TMEM135: variants seen among roughly 807,000 people sequenced by gnomAD.
The protein encoded by TMEM135 is transmembrane protein 135.
In TMEM135, 30 loss-of-function variants were observed where a neutral mutation model predicts 60.3. The ratio of observed to expected loss-of-function variants is 0.50; its 90% CI spans 0.37 to 0.68. The LOEUF is 0.68. Among genes scored for constraint, TMEM135 ranks in the 30% least tolerant of loss-of-function variants. The probability of loss-of-function intolerance (pLI) is 0.00; values close to 1 mark genes in which losing one functional copy is unlikely to be tolerated. For missense variants in TMEM135, 468 were observed against 548.8 expected (o/e 0.85, Z 1.47); for synonymous variants, 190 against 186.7 (o/e 1.02, Z -0.14).
chr11:87,044,343 G>A (rs1565418907), intron 1 of TMEM135, among the ~76,000 whole-genome samples: 1 of 152,094 alleles, frequency 6.6e-6, no homozygotes, highest in East Asian at 1.9e-4. Flanking sequence ...AAGTTTTCTA[G>A]AGGCTACAAG....
intron 6 of TMEM135, chr11:87,258,716 G>A (rs1296085061): frequency 7.7e-6 from 3 of 391,112 alleles, no homozygotes; most frequent in African/African-American, 4.2e-5. Context: ...GACAATGTGG[G>A]GAGATTTCTT....
intron 3 of TMEM135, among the ~76,000 whole-genome samples, chr11:87,077,177 A>G (rs1217276544): frequency 1.3e-5 from 2 of 152,204 alleles, no homozygotes; most frequent in African/African-American, 4.8e-5. Context: ...CAACTAGTCT[A>G]CTTTTCATTT....
rs183872181 is a variant in TMEM135 at position 87,115,462 on chromosome 11, A to G, written c.396+24067A>G. 3.1e-3 allele frequency among the ~76,000 whole-genome samples: 479 copies of G among 152,218 alleles called. 1 individual carries two copies. The highest frequency in any genetic ancestry group is 0.024 in the Middle Eastern group (7 of 294). On this transcript the variant is annotated intron_variant, in intron 4 of 14. Transcript: ENST00000305494. ...CTATGATTTCCCCCTACCCCACCTA[A>G]TGCCAGTCCCTCTTTAAGTAAATAC...
intron 4 of TMEM135, among the ~76,000 whole-genome samples, chr11:87,134,182 C>G (rs1938021236): frequency 6.6e-6 from 1 of 152,120 alleles, no homozygotes; most frequent in Admixed American, 6.6e-5. Context: ...TCTGAGGCCT[C>G]TTTCCTTAGC....
chr11:87,325,614 G>A lies in TMEM135; in HGVS notation c.*4281G>A, dbSNP rs17149940. 1.3e-5 allele frequency: 6 copies of A among 453,626 alleles called. No homozygotes were observed. Among genetic ancestry groups the A allele is most frequent in the Non-Finnish European group, 2.2e-5 (5 of 226,742 alleles). The allele number at this position is 453,626 out of a possible 1,614,324, so 28.1% of individuals were successfully genotyped here. A position where few individuals can be genotyped will look rare whatever the true frequency, so the allele number is the denominator to read the frequency against. On this transcript the variant is annotated 3_prime_UTR_variant, in exon 15 of 15. Transcript: ENST00000305494. ...TTAACTAGTCTCCTTGGACTTCATT[G>A]CAACCTTTTAAGCCAGCCGTTCAAG...
chr11:87,258,548 G>A (rs1433457092), intron 6 of TMEM135, among the ~76,000 whole-genome samples: 1 of 152,202 alleles, frequency 6.6e-6, no homozygotes, highest in Non-Finnish European at 1.5e-5. Context: ...TACCCCACAG[G>A]AGAAAGTGAG....
At chr11:87,068,797 T>G (rs2374996) in intron 2 of TMEM135, among the ~76,000 whole-genome samples, 99,500 of 146,834 alleles carry the variant, frequency 0.68, 34,695 homozygotes, top group East Asian at 0.88. Flanking sequence ...GGGGACAGAG[T>G]CAGACTGTCT....
intron 12 of TMEM135, among the ~76,000 whole-genome samples, chr11:87,315,549 G>A (rs138544539): frequency 2.0e-5 from 3 of 151,984 alleles, no homozygotes; most frequent in Non-Finnish European, 4.4e-5. Context: ...ATTGGTTTTC[G>A]CAGCTGTTAA....
At chr11:87,238,518 C>T (rs982800060) in intron 6 of TMEM135, among the ~76,000 whole-genome samples, 5 of 151,926 alleles carry the variant, frequency 3.3e-5, no homozygotes, top group Non-Finnish European at 7.4e-5. Context: ...TTGGAGCTGT[C>T]TGGTTGTCTT....
At chr11:87,247,753 TC>T (rs1009933643) in intron 6 of TMEM135, among the ~76,000 whole-genome samples, 16 of 152,234 alleles carry the variant, frequency 1.1e-4, no homozygotes, top group Admixed American at 5.9e-4. Flanking sequence ...CCAGGTGCCG[TC>T]TGTCACCCCT....
chr11:87,138,831 A>G (rs1938185841), intron 4 of TMEM135, among the ~76,000 whole-genome samples: 1 of 152,210 alleles, frequency 6.6e-6, no homozygotes, highest in South Asian at 2.1e-4. Context: ...GCTGGTTTTT[A>G]TATAGAGTAC....
intron 5 of TMEM135, among the ~76,000 whole-genome samples, chr11:87,221,588 A>G (rs893251388): frequency 2.2e-4 from 34 of 152,178 alleles, no homozygotes; most frequent in African/African-American, 7.5e-4. Flanking sequence ...CTCTCTGTAC[A>G]CAAATTTTGT....
chr11:87,045,039 T>C (rs1208047797), intron 1 of TMEM135, among the ~76,000 whole-genome samples: 1 of 151,920 alleles, frequency 6.6e-6, no homozygotes, highest in East Asian at 1.9e-4. Flanking sequence ...TTTTTATTTT[T>C]ATTTTTTTGA....
At position 87,325,135 on chromosome 11, in the gene TMEM135, G is replaced by T; in HGVS notation, c.*3802G>T. ...GTGTCAAGGACTGAGATGACCCTCAGATTGGGGGGCTGTCTTAGATTCTAG... is the reference window on the plus strand; with the variant it reads ...GTGTCAAGGACTGAGATGACCCTCATATTGGGGGGCTGTCTTAGATTCTAG... On this transcript the variant is annotated 3_prime_UTR_variant, in exon 15 of 15. Coordinates refer to ENST00000305494, the MANE Select transcript of TMEM135 (RefSeq NM_022918.4). The T allele has an allele frequency of 2.2e-6, 1 of 451,534 alleles. No individual in the cohort carries two copies. The highest frequency in any genetic ancestry group is 4.4e-6 in the Non-Finnish European group (1 of 226,704). 28.0% of individuals were successfully genotyped at this position (451,534 alleles called of 1,614,324 possible).
At chr11:87,291,495 G>A (rs1279344816) in intron 6 of TMEM135, among the ~76,000 whole-genome samples, 4 of 130,466 alleles carry the variant, frequency 3.1e-5, no homozygotes, top group Non-Finnish European at 4.7e-5. Flanking sequence ...CCTCCTGTAA[G>A]TCTATCCAGC....
chr11:87,157,147 TG>T (rs971557629), intron 4 of TMEM135, among the ~76,000 whole-genome samples, 193 bp from the exon 5 acceptor site: 53 of 151,602 alleles, frequency 3.5e-4, no homozygotes, highest in African/African-American at 1.2e-3. Context: ...ACTGTAGCCT[TG>T]AACTCCTGGA....
chr11:87,146,501 C>G (rs1186460101), intron 4 of TMEM135, among the ~76,000 whole-genome samples: 1 of 152,104 alleles, frequency 6.6e-6, no homozygotes, highest in Non-Finnish European at 1.5e-5. Context: ...TTTAGCCTCC[C>G]AAGTAGCTGG....
intron 4 of TMEM135, among the ~76,000 whole-genome samples, chr11:87,135,455 T>TGC (rs1938063695): frequency 6.6e-6 from 1 of 151,368 alleles, no homozygotes; most frequent in African/African-American, 2.4e-5. Context: ...TGCATATAGT[T>TGC]AAACAAATGT....
intron 3 of TMEM135, among the ~76,000 whole-genome samples, chr11:87,081,643 T>C (rs951135187): frequency 6.6e-5 from 10 of 151,606 alleles, no homozygotes; most frequent in Admixed American, 1.3e-4. Context: ...TTTGGGTTGC[T>C]AGTTTATTTT....
Sources: allele counts gnomAD v4.1 joint callset (sites outside exome capture counted in the v4.1 genomes callset), GRCh38; gene constraint gnomAD v4.1.1; transcripts MANE v1.5; gene names NCBI Gene and HGNC (gene_info 2026-07-23, HGNC 2026-07-21).